Variants in WWOX observed in about 807,000 individuals in gnomAD.
WWOX encodes the protein WW domain containing oxidoreductase, also known as WW domain-containing oxidoreductase.
WWOX carries 69 observed loss-of-function variants against 46.2 expected under a neutral mutation model. The observed-to-expected ratio is 1.49, with a 90% CI of 1.23 to 1.82. The LOEUF is 1.82. Among genes scored for constraint, WWOX ranks in the 40% most tolerant of loss-of-function variants. The pLI, the probability that WWOX is intolerant of heterozygous loss-of-function variation, is 0.00. For synonymous variants in WWOX, 359 were observed against 202.6 expected (o/e 1.77, Z -6.56); for missense variants, 919 against 542.6 (o/e 1.69, Z -6.89).
intron 8 of WWOX, among the ~76,000 whole-genome samples, chr16:78,759,757 A>G (rs753970640): frequency 3.9e-5 from 6 of 152,198 alleles, no homozygotes; most frequent in Non-Finnish European, 8.8e-5. Context: ...GGCTTAAGAC[A>G]GCACAAATGT....
chr16:78,109,452 G>T (rs2032357760), intron 2 of WWOX, among the ~76,000 whole-genome samples: 1 of 152,214 alleles, frequency 6.6e-6, no homozygotes. Context: ...GACGTTGGGT[G>T]CCTGCCCTGC....
intron 8 of WWOX, among the ~76,000 whole-genome samples, chr16:78,709,994 G>C (rs1255407413): frequency 6.6e-6 from 1 of 152,140 alleles, no homozygotes; most frequent in Non-Finnish European, 1.5e-5. Context: ...TCCTCCCAAA[G>C]TGTTGGGATT....
intron 8 of WWOX, among the ~76,000 whole-genome samples, chr16:78,867,512 A>G (rs201708150): frequency 0.016 from 1,740 of 109,720 alleles, 27 homozygotes; most frequent in Middle Eastern, 0.028. Flanking sequence ...GTGTGTGTGT[A>G]TGTGTGTGTG....
intron 8 of WWOX, among the ~76,000 whole-genome samples, chr16:78,503,044 A>G (rs1229873771): frequency 6.6e-6 from 1 of 152,188 alleles, no homozygotes; most frequent in African/African-American, 2.4e-5. Context: ...GTTCCCATTT[A>G]ATGTATTTGA....
intron 8 of WWOX, among the ~76,000 whole-genome samples, chr16:79,091,774 TC>T (rs2048964966): frequency 2.8e-5 from 4 of 141,700 alleles, no homozygotes; most frequent in Admixed American, 7.3e-5. Context: ...TCTTTTCTTT[TC>T]TTTGTTTTTT....
intron 8 of WWOX, among the ~76,000 whole-genome samples, chr16:78,475,493 G>C (rs1031375093): frequency 2.6e-4 from 39 of 152,334 alleles, no homozygotes; most frequent in Admixed American, 9.8e-4. Context: ...CCTTTATAAA[G>C]TTTAGACCTA....
intron 8 of WWOX, among the ~76,000 whole-genome samples, chr16:78,923,763 T>G (rs2045433002): frequency 6.6e-6 from 1 of 150,382 alleles, no homozygotes; most frequent in Non-Finnish European, 1.5e-5. Context: ...AGTGATGATC[T>G]GGGTTGATTG....
intron 8 of WWOX, among the ~76,000 whole-genome samples, chr16:78,768,556 C>G (rs1342810970): frequency 1.3e-5 from 2 of 150,840 alleles, no homozygotes; most frequent in Non-Finnish European, 2.9e-5. Flanking sequence ...CGCCGCTGCA[C>G]TCCAGCCTGG....
chr16:78,781,495 C>T (rs2050323246), intron 8 of WWOX, among the ~76,000 whole-genome samples: 1 of 152,190 alleles, frequency 6.6e-6, no homozygotes, highest in Non-Finnish European at 1.5e-5. Context: ...GCTGGCATTA[C>T]TAGGTATAGA....
At chr16:78,756,685 G>T (rs60026659) in intron 8 of WWOX, among the ~76,000 whole-genome samples, 1 of 151,884 alleles carries the variant, frequency 6.6e-6, no homozygotes, top group African/African-American at 2.4e-5. Flanking sequence ...TCATTCTTCC[G>T]TTAAACTACC....
At chr16:78,904,304 T>C (rs1052751505) in intron 8 of WWOX, among the ~76,000 whole-genome samples, 2 of 147,788 alleles carry the variant, frequency 1.4e-5, no homozygotes, top group South Asian at 2.2e-4. Context: ...ACTGGCATGA[T>C]CTCGGCTCAC....
At chr16:78,580,329 C>G (rs539384238) in intron 8 of WWOX, among the ~76,000 whole-genome samples, 1 of 152,264 alleles carries the variant, frequency 6.6e-6, no homozygotes, top group South Asian at 2.1e-4. Context: ...CTTCCTCGGC[C>G]TCCCAAAGTA....
chr16:78,344,720 G>T (rs1211577818), intron 5 of WWOX, among the ~76,000 whole-genome samples: 2 of 121,976 alleles, frequency 1.6e-5, no homozygotes, highest in African/African-American at 2.8e-5. Context: ...TGACTGAAAA[G>T]AATTCTCCAT....
chr16:78,319,110 A>G (rs2080413569), intron 5 of WWOX, among the ~76,000 whole-genome samples: 1 of 152,126 alleles, frequency 6.6e-6, no homozygotes, highest in South Asian at 2.1e-4. Context: ...CGGATGAGTC[A>G]GGCAGTGAGA....
intron 8 of WWOX, among the ~76,000 whole-genome samples, chr16:78,854,949 GTTTTA>G (rs2052533451): frequency 6.9e-6 from 1 of 145,090 alleles, no homozygotes; most frequent in South Asian, 2.2e-4. Flanking sequence ...TGGGTTATGT[GTTTTA>G]TTTTCTTAGT....
chr16:78,456,429 A>G (rs1347886713), intron 8 of WWOX, among the ~76,000 whole-genome samples: 20 of 152,202 alleles, frequency 1.3e-4, no homozygotes, highest in Admixed American at 1.2e-3. Context: ...AAACAAAGCA[A>G]TAGAAAATAT....
chr16:79,174,853 C>T (rs1240831892), intron 8 of WWOX, among the ~76,000 whole-genome samples: 1 of 152,176 alleles, frequency 6.6e-6, no homozygotes, highest in Non-Finnish European at 1.5e-5. Flanking sequence ...AATAAAGTAG[C>T]TTCACTTATT....
intron 8 of WWOX, among the ~76,000 whole-genome samples, chr16:78,945,045 T>C (rs532510627): frequency 6.6e-6 from 1 of 152,182 alleles, no homozygotes; most frequent in Admixed American, 6.5e-5. Context: ...CTGGGCATGG[T>C]GGCGTACACC....
chr16:78,201,587 G>T (rs2036231074), intron 5 of WWOX, among the ~76,000 whole-genome samples: 1 of 152,180 alleles, frequency 6.6e-6, no homozygotes, highest in Admixed American at 6.5e-5. Flanking sequence ...CTACCAGGTT[G>T]TGTTTGTGGG....
Sources: allele counts gnomAD v4.1 joint callset (sites outside exome capture counted in the v4.1 genomes callset), GRCh38; gene constraint gnomAD v4.1.1; transcripts MANE v1.5; gene names NCBI Gene and HGNC (gene_info 2026-07-23, HGNC 2026-07-21).